ZNF804B: variants seen among roughly 807,000 people sequenced by gnomAD.
ZNF804B encodes the protein zinc finger 804B.
ZNF804B carries 80 observed loss-of-function variants against 101.4 expected under a neutral mutation model. That is an observed-to-expected ratio of 0.79 (90% CI 0.66 to 0.95). The LOEUF (loss-of-function observed/expected upper bound fraction) is 0.95. ZNF804B is among the 40% of genes least tolerant of loss of function. The pLI, the probability that ZNF804B is intolerant of heterozygous loss-of-function variation, is 0.00. For synonymous variants in ZNF804B, 622 were observed against 558.8 expected (o/e 1.11, Z -1.59); for missense variants, 1,673 against 1,561.9 (o/e 1.07, Z -1.20).
At chr7:88,952,505 CTTTTA>C (rs1271144773) in intron 1 of ZNF804B, among the ~76,000 whole-genome samples, 2 of 151,682 alleles carry the variant, frequency 1.3e-5, no homozygotes, top group Non-Finnish European at 2.9e-5. Flanking sequence ...GTTAAAATAT[CTTTTA>C]TGTTTTAGTA....
intron 1 of ZNF804B, among the ~76,000 whole-genome samples, chr7:89,039,738 C>T (rs1788987220): frequency 6.6e-6 from 1 of 151,688 alleles, no homozygotes; most frequent in South Asian, 2.1e-4. Context: ...TGTCCTCCAT[C>T]TTTTCTGGGT....
chr7:89,168,793 TTTGGG>T (rs751855378), intron 1 of ZNF804B, among the ~76,000 whole-genome samples: 1 of 150,648 alleles, frequency 6.6e-6, no homozygotes, highest in Admixed American at 6.7e-5. Context: ...TAACTACTAA[TTTGGG>T]TTCTTCAAAG....
intron 1 of ZNF804B, among the ~76,000 whole-genome samples, chr7:88,818,641 T>C (rs895736113): frequency 3.0e-4 from 46 of 152,222 alleles, no homozygotes; most frequent in African/African-American, 1.1e-3. Context: ...TGAGTTCATT[T>C]TGAGGGGATT....
chr7:88,880,779 C>T (rs1165948206), intron 1 of ZNF804B, among the ~76,000 whole-genome samples: 1 of 151,992 alleles, frequency 6.6e-6, no homozygotes, highest in African/African-American at 2.4e-5. Flanking sequence ...AAATTGATGA[C>T]TTTCCATTTT....
At chr7:88,985,945 T>G (rs763652656) in intron 1 of ZNF804B, among the ~76,000 whole-genome samples, 4 of 152,012 alleles carry the variant, frequency 2.6e-5, no homozygotes, top group Non-Finnish European at 5.9e-5. Context: ...ACCAATAAAC[T>G]CTCATAGTCT....
At chr7:89,208,840 G>A (rs1037483684) in intron 1 of ZNF804B, among the ~76,000 whole-genome samples, 7 of 151,618 alleles carry the variant, frequency 4.6e-5, no homozygotes, top group Non-Finnish European at 8.8e-5. Flanking sequence ...GTGAAACCCC[G>A]TCTGTACTGA....
intron 1 of ZNF804B, among the ~76,000 whole-genome samples, chr7:88,858,716 A>G (rs1791607365): frequency 6.6e-6 from 1 of 152,192 alleles, no homozygotes; most frequent in Non-Finnish European, 1.5e-5. Flanking sequence ...TGAGATAATA[A>G]TAATATCATT....
chr7:88,764,111 T>G (rs1789944051), intron 1 of ZNF804B, among the ~76,000 whole-genome samples: 1 of 152,196 alleles, frequency 6.6e-6, no homozygotes, highest in South Asian at 2.1e-4. Context: ...ATATTTGACT[T>G]GACTTTTAGT....
intron 1 of ZNF804B, among the ~76,000 whole-genome samples, chr7:88,903,629 C>G (rs567910486): frequency 1.3e-5 from 2 of 152,042 alleles, no homozygotes; most frequent in African/African-American, 4.8e-5. Context: ...TATTTTTTGA[C>G]TTTTTATTAA....
intron 1 of ZNF804B, among the ~76,000 whole-genome samples, chr7:89,206,071 C>T (rs1788710019): frequency 6.6e-6 from 1 of 152,234 alleles, no homozygotes; most frequent in Non-Finnish European, 1.5e-5. Flanking sequence ...CCTCTAAAGC[C>T]ATGACCTGAG....
chr7:89,022,396 A>G (rs1788680731), intron 1 of ZNF804B, among the ~76,000 whole-genome samples: 1 of 152,166 alleles, frequency 6.6e-6, no homozygotes, highest in Non-Finnish European at 1.5e-5. Context: ...GTAAACAAAC[A>G]ATTGGACCTT....
intron 1 of ZNF804B, among the ~76,000 whole-genome samples, chr7:88,966,018 G>T (rs1793448411): frequency 6.6e-6 from 1 of 151,366 alleles, no homozygotes; most frequent in Non-Finnish European, 1.5e-5. Context: ...TATCTTAAGT[G>T]GGAATTGTCA....
intron 1 of ZNF804B, among the ~76,000 whole-genome samples, chr7:89,155,681 T>A (rs538483568): frequency 2.0e-5 from 3 of 152,202 alleles, no homozygotes; most frequent in Admixed American, 1.3e-4. Context: ...CAGTTTGAAC[T>A]TCAAGCACCC....
intron 1 of ZNF804B, among the ~76,000 whole-genome samples, chr7:88,901,091 G>T (rs1792383096): frequency 6.6e-6 from 1 of 151,602 alleles, no homozygotes; most frequent in South Asian, 2.1e-4. Flanking sequence ...TACATAAAAG[G>T]TATAATCACA....
In ZNF804B at chr7:88,896,588, C is replaced by CAATTATTTAT. The variant is rs557848471; in HGVS notation, c.108+136507_108+136516dup. ...TGTATGATTTTGTATGTTGATATGC[C>CAATTATTTAT]AATTATTTATAAAGTAACAGTCGCC... is the stretch of plus-strand genomic sequence containing the variant. On this transcript the variant is annotated intron_variant, in intron 1 of 3. Transcript: ENST00000333190. Among the ~76,000 whole-genome samples, 16 of 151,826 alleles carry CAATTATTTAT rather than the reference C, an allele frequency of 1.1e-4. 1 individual carries two copies. In the South Asian group the frequency reaches 2.5e-3, roughly 24 times the overall value.
chr7:89,050,064 G>T (rs1322940078), intron 1 of ZNF804B, among the ~76,000 whole-genome samples: 1 of 151,972 alleles, frequency 6.6e-6, no homozygotes, highest in Non-Finnish European at 1.5e-5. Flanking sequence ...GATGGAAAAA[G>T]AAATAGTTTT....
intron 1 of ZNF804B, among the ~76,000 whole-genome samples, chr7:88,997,230 G>T (rs1395341359): frequency 6.6e-6 from 1 of 151,866 alleles, no homozygotes; most frequent in African/African-American, 2.4e-5. Flanking sequence ...CTTTTTTTTA[G>T]AGTTTGTTGT....
At chr7:89,149,615 C>T (rs988190253) in intron 1 of ZNF804B, among the ~76,000 whole-genome samples, 5 of 151,920 alleles carry the variant, frequency 3.3e-5, no homozygotes, top group African/African-American at 1.2e-4. Context: ...TAGTCATTAT[C>T]TAAAACTTGA....
chr7:88,825,803 A>C (rs1179854647), intron 1 of ZNF804B, among the ~76,000 whole-genome samples: 1 of 152,104 alleles, frequency 6.6e-6, no homozygotes, highest in Non-Finnish European at 1.5e-5. Flanking sequence ...CTGCTCACTT[A>C]AACTCTTCCT....
Sources: allele counts gnomAD v4.1 joint callset (sites outside exome capture counted in the v4.1 genomes callset), GRCh38; gene constraint gnomAD v4.1.1; transcripts MANE v1.5; gene names NCBI Gene and HGNC (gene_info 2026-07-23, HGNC 2026-07-21).